RUNX2: variants seen among roughly 807,000 people sequenced by gnomAD.
RUNX2 encodes RUNX family transcription factor 2.
RUNX2 carries 10 observed loss-of-function variants against 51.7 expected under a neutral mutation model. The ratio of observed to expected loss-of-function variants is 0.19; its 90% confidence interval spans 0.12 to 0.33. The LOEUF is 0.33. Ranked by LOEUF, RUNX2 falls within the 10% of genes least tolerant of loss-of-function variation. RUNX2 has a pLI of 1.00. For missense variants in RUNX2, 562 were observed against 691.3 expected (o/e 0.81, Z 2.10); for synonymous variants, 276 against 273.6 (o/e 1.01, Z -0.09).
At position 45,412,644 on chromosome 6, in the gene RUNX2, C is replaced by A. The variant is rs568084861; in HGVS notation, c.59-9949C>A. The stretch of plus-strand genomic sequence containing the variant: ...AAAGGAAAGAATACTGGCCAAATAA[C>A]CTTTTTTTAAAAAAACAGTTTTTTT... On this transcript the variant is annotated intron_variant, in intron 2 of 8. Transcript: ENST00000647337. Among the ~76,000 whole-genome samples, 4 of 151,090 alleles carry A rather than the reference C, an allele frequency of 2.6e-5. No homozygotes were observed. The South Asian group carries it at 8.3e-4, about 31-fold the overall frequency.
Position 45,422,756 on chromosome 6 carries a change from G to T in RUNX2, c.222G>T (p.Ala74=), listed in dbSNP as rs761281959. The T allele has an allele frequency of 3.7e-6, 5 of 1,349,268 alleles. No homozygotes were observed. Among genetic ancestry groups the T allele is most frequent in the East Asian group, 5.6e-5 (2 of 35,484 alleles). 83.6% of individuals were successfully genotyped at this position (1,349,268 alleles called of 1,614,324 possible). A position where few individuals can be genotyped will look rare whatever the true frequency, so the allele number is the denominator to read the frequency against. The change falls in exon 3 of 9, where the codon GCG becomes GCT. Residue 74 remains alanine (A), a synonymous_variant. Coordinates refer to ENST00000647337, the MANE Select transcript of RUNX2 (RefSeq NM_001024630.4). ...QQQQQQQQEA[A]AAAAAAAAAA... is the part of the protein sequence containing the mutation. ...AGCAGCAGCAGCAGCAGGAGGCGGC[G>T]GCGGCGGCTGCGGCGGCGGCGGCGG... is the stretch of plus-strand genomic sequence containing the variant.
intron 5 of RUNX2, among the ~76,000 whole-genome samples, chr6:45,443,104 T>C (rs1798889738): frequency 7.4e-6 from 1 of 134,822 alleles, no homozygotes; most frequent in Admixed American, 8.5e-5. Context: ...TGGAGTACAG[T>C]GCCATGATCA....
chr6:45,441,220 CTGT>C (rs1467586993), intron 5 of RUNX2, among the ~76,000 whole-genome samples: 1 of 152,136 alleles, frequency 6.6e-6, no homozygotes, highest in African/African-American at 2.4e-5. Flanking sequence ...CTATCGGTTC[CTGT>C]TGTTGGAATT....
rs139519246 is a variant in RUNX2, at chr6:45,350,642, A to G, written c.58+21858A>G. Among the ~76,000 whole-genome samples, 325 of 152,280 alleles carry G rather than the reference A, an allele frequency of 2.1e-3. 1 individual carries two copies. The highest frequency in any genetic ancestry group is 7.5e-3 in the African/African-American group (311 of 41,558). ...CTTCAAAGCAAATAATAATTTCTAAAAATAATTTCTGGCTGCTAAGATGTG... is the reference window on the plus strand; with the variant it reads ...CTTCAAAGCAAATAATAATTTCTAAGAATAATTTCTGGCTGCTAAGATGTG... On this transcript the variant is annotated intron_variant, in intron 2 of 8. Coordinates refer to ENST00000647337, the MANE Select transcript of RUNX2 (RefSeq NM_001024630.4).
chr6:45,528,446 C>T (rs1331316021), intron 7 of RUNX2, among the ~76,000 whole-genome samples: 1 of 152,082 alleles, frequency 6.6e-6, no homozygotes, highest in Non-Finnish European at 1.5e-5. Flanking sequence ...CACAGTGAAA[C>T]ACCGTCTCTA....
At chr6:45,503,867 G>A (rs1800873149) in intron 6 of RUNX2, among the ~76,000 whole-genome samples, 1 of 152,064 alleles carries the variant, frequency 6.6e-6, no homozygotes, top group Non-Finnish European at 1.5e-5. Context: ...TTTTATTACA[G>A]GATATGATAT....
intron 2 of RUNX2, among the ~76,000 whole-genome samples, chr6:45,369,631 T>TA (rs1795716445): frequency 6.6e-6 from 1 of 152,138 alleles, no homozygotes; most frequent in African/African-American, 2.4e-5. Context: ...GACACACTCT[T>TA]ATTTAAAGCC....
chr6:45,407,872 A>G (rs531142773), intron 2 of RUNX2, among the ~76,000 whole-genome samples: 1 of 152,120 alleles, frequency 6.6e-6, no homozygotes, highest in East Asian at 1.9e-4. Context: ...CTATTTTTTC[A>G]GCAGAAAAAT....
intron 5 of RUNX2, among the ~76,000 whole-genome samples, chr6:45,442,994 C>T (rs1280517419): frequency 2.0e-5 from 3 of 149,822 alleles, no homozygotes; most frequent in Non-Finnish European, 4.4e-5. Flanking sequence ...GGCGGCAGCT[C>T]AGGGCTCCCT....
chr6:45,413,310 G>A (rs1797991939), intron 2 of RUNX2, among the ~76,000 whole-genome samples: 1 of 151,610 alleles, frequency 6.6e-6, no homozygotes, highest in South Asian at 2.1e-4. Flanking sequence ...TTGTTAAAGA[G>A]TGATAACCAG....
chr6:45,438,680 A>G (rs1205622517), intron 5 of RUNX2, among the ~76,000 whole-genome samples: 2 of 152,194 alleles, frequency 1.3e-5, no homozygotes, highest in Admixed American at 6.5e-5. Flanking sequence ...AGAAGGTTTC[A>G]CCGGCAATCA....
chr6:45,519,513 A>T (rs62400368), intron 7 of RUNX2, among the ~76,000 whole-genome samples: 15,666 of 151,988 alleles, frequency 0.1, 998 homozygotes, highest in Non-Finnish European at 0.15. Context: ...TTACCCTAAA[A>T]ATCCCCTGTA....
At chr6:45,523,162 G>C (rs957838251) in intron 7 of RUNX2, among the ~76,000 whole-genome samples, 1 of 152,094 alleles carries the variant, frequency 6.6e-6, no homozygotes, top group Non-Finnish European at 1.5e-5. Flanking sequence ...ACATCCCTAT[G>C]TCTTAATATT....
chr6:45,443,810 G>A (rs530458609), intron 5 of RUNX2, among the ~76,000 whole-genome samples: 1 of 152,274 alleles, frequency 6.6e-6, no homozygotes, highest in South Asian at 2.1e-4. Context: ...CCAGCAACAT[G>A]ACAAGTCTGT....
At chr6:45,526,654 G>A (rs975579615) in intron 7 of RUNX2, among the ~76,000 whole-genome samples, 10 of 152,246 alleles carry the variant, frequency 6.6e-5, no homozygotes, top group East Asian at 5.8e-4. Flanking sequence ...ATTGAGCACC[G>A]TTCTGCCCAC....
In RUNX2 at chr6:45,460,994, G is replaced by A. The variant is rs548199706; in HGVS notation, c.685+22943G>A. Among the ~76,000 whole-genome samples the A allele has an allele frequency of 4.6e-5, 7 of 152,300 alleles. No homozygotes were observed. In the East Asian group the frequency reaches 7.7e-4, roughly 17 times the overall value. The stretch of plus-strand genomic sequence containing the variant: ...TGAAAGAAAGACAAGATCACTTGGA[G>A]GAAATTAGGTCCTGAAGAAAATGGT... On this transcript the variant is annotated intron_variant, in intron 5 of 8. Coordinates refer to ENST00000647337, the MANE Select transcript of RUNX2 (RefSeq NM_001024630.4).
intron 2 of RUNX2, among the ~76,000 whole-genome samples, chr6:45,348,666 C>T (rs572834485): frequency 1.4e-5 from 2 of 141,146 alleles, no homozygotes; most frequent in East Asian, 4.0e-4. Flanking sequence ...CAAAGTAAAA[C>T]TCCAACTCAA....
chr6:45,546,364 A>G (rs1802400387), intron 8 of RUNX2, among the ~76,000 whole-genome samples: 1 of 152,250 alleles, frequency 6.6e-6, no homozygotes, highest in South Asian at 2.1e-4. Flanking sequence ...GAAAGAGCCT[A>G]CCAAGAGTAA....
chr6:45,520,293 C>A (rs1231002123), intron 7 of RUNX2, among the ~76,000 whole-genome samples: 1 of 152,126 alleles, frequency 6.6e-6, no homozygotes, highest in East Asian at 1.9e-4. Context: ...TCTATCATAG[C>A]AATTGTCACC....
Sources: gnomAD v4.1 joint callset for allele counts (sites outside exome capture counted in the v4.1 genomes callset) on GRCh38, gnomAD v4.1.1 for gene constraint, MANE v1.5 for transcripts, NCBI Gene and HGNC (gene_info 2026-07-23, HGNC 2026-07-21) for gene names.